IHO1: variants seen among roughly 807,000 people sequenced by gnomAD.
IHO1 encodes interactor of HORMAD1 protein 1.
Under a neutral mutation model 31.0 loss-of-function variants are expected in IHO1, and 13 were observed. The observed-to-expected ratio is 0.42, with a 90% CI of 0.27 to 0.67. The LOEUF (loss-of-function observed/expected upper bound fraction) is 0.67, where lower values mean the gene tolerates loss of function less well. IHO1 is among the 30% of genes least tolerant of loss of function. The pLI, the probability that IHO1 is intolerant of heterozygous loss-of-function variation, is 0.24. For synonymous variants in IHO1, 221 were observed against 248.4 expected, an observed-to-expected ratio of 0.89 and a Z score of 1.04; for missense variants, 599 against 687.5, an observed-to-expected ratio of 0.87 and a Z score of 1.44.
At chr3:49,211,879 C>A in intron 2 of IHO1, 43 bp downstream of exon 2, 2 of 1,202,802 alleles carry the variant, frequency 1.7e-6, no homozygotes, top group Non-Finnish European at 2.5e-6. Context: ...AGAGGATTTT[C>A]TGGCCGGGCA....
intron 6 of IHO1, among the ~76,000 whole-genome samples, chr3:49,247,694 T>C (rs1371551097): frequency 6.6e-6 from 1 of 151,092 alleles, no homozygotes; most frequent in Non-Finnish European, 1.5e-5. Flanking sequence ...GAGGGTGAGG[T>C]GGGAGGATCG....
intron 1 of IHO1, among the ~76,000 whole-genome samples, chr3:49,206,625 G>A (rs115654252): frequency 6.6e-6 from 1 of 152,128 alleles, no homozygotes; most frequent in African/African-American, 2.4e-5. Flanking sequence ...GACCTGTATC[G>A]TTGCTGACCT....
intron 6 of IHO1, among the ~76,000 whole-genome samples, chr3:49,252,490 C>A (rs1387108835): frequency 6.6e-6 from 1 of 152,048 alleles, no homozygotes; most frequent in African/African-American, 2.4e-5. Context: ...ACAATCACAG[C>A]TGACTGTAGC....
chr3:49,222,978 A>G (rs2046372011), intron 2 of IHO1, among the ~76,000 whole-genome samples: 1 of 152,214 alleles, frequency 6.6e-6, no homozygotes, highest in African/African-American at 2.4e-5. Context: ...GGAGAGGTAG[A>G]TGGGAGAGAT....
chr3:49,240,337 C>T (rs956841463), intron 3 of IHO1, among the ~76,000 whole-genome samples: 7 of 152,246 alleles, frequency 4.6e-5, no homozygotes, highest in Non-Finnish European at 2.9e-5. Context: ...AATTCTCCTG[C>T]CTCAGCCTCC....
At position 49,222,087 on chromosome 3, in the gene IHO1, T is replaced by C. The variant is rs566225370; in HGVS notation, c.56+10251T>C. The stretch of plus-strand genomic sequence containing the variant: ...TCTATTTGGGATTGTAGAGTAAGGA[T>C]AGATTTCGTCATTTCTTGCAAACTG... On this transcript the variant is annotated intron_variant, in intron 2 of 7. Coordinates refer to ENST00000452691, the MANE Select transcript of IHO1 (RefSeq NM_001135197.2). Among the ~76,000 whole-genome samples, 101 of 152,340 alleles carry C rather than the reference T, an allele frequency of 6.6e-4. 3 individuals carry two copies. The South Asian group carries it at 0.021, about 31-fold the overall frequency.
At chr3:49,234,124 A>G (rs1184141603) in intron 2 of IHO1, among the ~76,000 whole-genome samples, 1 of 150,840 alleles carries the variant, frequency 6.6e-6, no homozygotes, top group Non-Finnish European at 1.5e-5. Flanking sequence ...TGCAACAGTT[A>G]AGTAACACAA....
the IHO1 span, among the ~76,000 whole-genome samples, chr3:49,191,366 C>T: frequency 6.6e-6 from 1 of 152,152 alleles, no homozygotes; most frequent in East Asian, 1.9e-4. Flanking sequence ...GTCTTCCAGG[C>T]GTGGGGCTGA....
intron 1 of IHO1, among the ~76,000 whole-genome samples, chr3:49,210,583 G>C (rs560228757): frequency 1.3e-5 from 2 of 151,860 alleles, no homozygotes; most frequent in South Asian, 2.1e-4. Flanking sequence ...ATTTTTAGTA[G>C]AGACAGGGTT....
intron 6 of IHO1, among the ~76,000 whole-genome samples, chr3:49,248,342 C>A (rs1410744659): frequency 6.6e-6 from 1 of 152,038 alleles, no homozygotes; most frequent in Non-Finnish European, 1.5e-5. Context: ...TGACGTGAAC[C>A]CAGGATGGGG....
intron 3 of IHO1, among the ~76,000 whole-genome samples, chr3:49,237,556 C>T (rs1446150806): frequency 6.6e-6 from 1 of 151,924 alleles, no homozygotes; most frequent in South Asian, 2.1e-4. Context: ...TACAAAGCAA[C>T]GTAAAATAGT....
At chr3:49,206,155 G>A (rs1415440234) in intron 1 of IHO1, among the ~76,000 whole-genome samples, 4 of 152,054 alleles carry the variant, frequency 2.6e-5, no homozygotes, top group South Asian at 2.1e-4. Context: ...TAGTAGAGAC[G>A]GGGTTTCACC....
chr3:49,226,140 C>T (rs2046414322), intron 2 of IHO1, among the ~76,000 whole-genome samples: 1 of 152,220 alleles, frequency 6.6e-6, no homozygotes, highest in Non-Finnish European at 1.5e-5. Flanking sequence ...TCTGTCCTCT[C>T]TGAACCACCA....
chr3:49,233,713 C>T (rs2046510776), intron 2 of IHO1, among the ~76,000 whole-genome samples: 1 of 152,218 alleles, frequency 6.6e-6, no homozygotes, highest in African/African-American at 2.4e-5. Flanking sequence ...GCCCCCAAAT[C>T]TGGCCATAAA....
chr3:49,256,620 C>G lies in IHO1; in HGVS notation c.1123C>G (p.Pro375Ala), dbSNP rs2107747285. 2 of 1,614,204 alleles carry G rather than the reference C, an allele frequency of 1.2e-6. No homozygotes were observed. Among genetic ancestry groups the G allele is most frequent in the East Asian group, 4.5e-5 (2 of 44,890 alleles). The change falls in exon 8 of 8, where the codon CCA (proline) becomes GCA (alanine). Residue 375 changes from proline to alanine, a missense_variant. By Grantham distance (27) the Pro-to-Ala change is conservative. Transcript: ENST00000452691. The surrounding 1 kb of genome is among the most constrained non-coding windows in gnomAD (Gnocchi z 4.6). ...TGCCAAGAACCATGGTTCCAGCGTC[C>G]CAGGCCATAAGATTCCCAGTGACAG... ...TGAKNHGSSV[P>A]GHKIPSDRDL...
chr3:49,247,819 A>G (rs1259963155), intron 6 of IHO1, among the ~76,000 whole-genome samples: 6 of 148,968 alleles, frequency 4.0e-5, no homozygotes, highest in Non-Finnish European at 8.9e-5. Flanking sequence ...AAATAAATAA[A>G]ATGAAAAAAA....
intron 2 of IHO1, among the ~76,000 whole-genome samples, chr3:49,232,444 A>G (rs1366880205): frequency 6.6e-6 from 1 of 152,262 alleles, no homozygotes; most frequent in Non-Finnish European, 1.5e-5. Flanking sequence ...GAGAGATCTG[A>G]TAACAAAAAG....
the IHO1 span, among the ~76,000 whole-genome samples, chr3:49,193,240 C>T: frequency 6.6e-6 from 1 of 151,910 alleles, no homozygotes; most frequent in Non-Finnish European, 1.5e-5. Context: ...GGTGTGGTGG[C>T]ACACGCCTGC....
At chr3:49,246,988 A>T (rs1442146650) in intron 6 of IHO1, among the ~76,000 whole-genome samples, 1 of 150,940 alleles carries the variant, frequency 6.6e-6, no homozygotes. Flanking sequence ...AGCTGGGATT[A>T]CAGGTGCCTG....
Sources: allele counts gnomAD v4.1 joint callset (sites outside exome capture counted in the v4.1 genomes callset), GRCh38; gene constraint gnomAD v4.1.1; non-coding constraint Gnocchi (gnomAD v3.1); transcripts MANE v1.5; gene names NCBI Gene and HGNC (gene_info 2026-07-23, HGNC 2026-07-21).